Variants in SNTB1 observed in about 807,000 individuals in gnomAD.
SNTB1 encodes beta-1-syntrophin.
A neutral mutation model predicts 48.9 loss-of-function variants in SNTB1; 36 were observed. The observed-to-expected ratio is 0.74, with a 90% CI of 0.56 to 0.97. SNTB1 has a LOEUF of 0.97. SNTB1 is among the 50% of genes least tolerant of loss of function. The probability of loss-of-function intolerance (pLI) is 0.00; values close to 1 mark genes in which losing one functional copy is unlikely to be tolerated. For missense variants in SNTB1, 786 were observed against 703.4 expected, an observed-to-expected ratio of 1.12 and a Z score of -1.33; for synonymous variants, 299 against 294.6, an observed-to-expected ratio of 1.01 and a Z score of -0.15.
At chr8:120,690,127 T>C (rs779980832) in intron 2 of SNTB1, among the ~76,000 whole-genome samples, 2 of 152,242 alleles carry the variant, frequency 1.3e-5, no homozygotes, top group Non-Finnish European at 2.9e-5. Flanking sequence ...TTCATATAAC[T>C]TTTATTACAG....
intron 1 of SNTB1, among the ~76,000 whole-genome samples, chr8:120,795,238 G>A (rs557516905): frequency 1.4e-5 from 2 of 148,002 alleles, no homozygotes; most frequent in East Asian, 3.9e-4. Flanking sequence ...TTTAGCAAGT[G>A]GAGAAGTTAA....
intron 3 of SNTB1, among the ~76,000 whole-genome samples, chr8:120,632,115 C>A (rs1816991564): frequency 6.6e-6 from 1 of 152,210 alleles, no homozygotes; most frequent in South Asian, 2.1e-4. Context: ...AAAGCAAGAG[C>A]TCTGTTCTGA....
chr8:120,633,016 A>C lies in SNTB1; in HGVS notation c.789-365T>G, dbSNP rs138336370. 2.2e-3 allele frequency among the ~76,000 whole-genome samples: 335 copies of C among 152,374 alleles called. 3 individuals are homozygous for C. The highest frequency in any genetic ancestry group is 7.5e-3 in the African/African-American group (313 of 41,586). ...TACTTCTTAATTCACAGAGGATTTT[A>C]ATAATATACTCACACATCCTTGCTG... On this transcript the variant is annotated intron_variant, in intron 2 of 6. Transcript: ENST00000517992.
At position 120,759,975 on chromosome 8, in the gene SNTB1, G is replaced by A. The variant is rs557438967; in HGVS notation, c.571+51298C>T. Among the ~76,000 whole-genome samples, 7 of 152,110 alleles carry A rather than the reference G, an allele frequency of 4.6e-5. No homozygotes were observed. The East Asian group carries it at 1.4e-3, about 29-fold the overall frequency. ...CTAAAAAGCAGCCATTTCTGTAAAG[G>A]GCCAGATGATAAATAACTTAAGTTT... is the stretch of plus-strand genomic sequence containing the variant. On this transcript the variant is annotated intron_variant, in intron 1 of 6. Coordinates refer to ENST00000517992, the MANE Select transcript of SNTB1 (RefSeq NM_021021.4).
chr8:120,643,790 A>C (rs1817235810), intron 2 of SNTB1, among the ~76,000 whole-genome samples: 1 of 152,140 alleles, frequency 6.6e-6, no homozygotes, highest in Non-Finnish European at 1.5e-5. Context: ...CAGTCATGGG[A>C]TTGCTGGATC....
rs1818136483 is a variant in SNTB1 at position 120,691,997 on chromosome 8, G to A, written c.788+1695C>T. Among the ~76,000 whole-genome samples, 3 of 152,186 alleles carry A rather than the reference G, an allele frequency of 2.0e-5. No individual in the cohort carries two copies. The South Asian group carries it at 6.2e-4, about 32-fold the overall frequency. ...GGCCCAGGAACTCTGCAGAAATTGT[G>A]GGGAACAAAACAGAGAACAGGGTGA... On this transcript the variant is annotated intron_variant, in intron 2 of 6. Transcript: ENST00000517992.
At chr8:120,595,930 C>G (rs1238543927) in intron 3 of SNTB1, among the ~76,000 whole-genome samples, 1 of 152,108 alleles carries the variant, frequency 6.6e-6, no homozygotes, top group Non-Finnish European at 1.5e-5. Context: ...GCATGAGATC[C>G]AAGAATCCTC....
intron 1 of SNTB1, among the ~76,000 whole-genome samples, chr8:120,767,284 T>C (rs1279186673): frequency 6.6e-6 from 1 of 152,200 alleles, no homozygotes; most frequent in African/African-American, 2.4e-5. Context: ...CATCTGATTT[T>C]AAAGTTCAAG....
intron 2 of SNTB1, among the ~76,000 whole-genome samples, chr8:120,656,730 A>C (rs894258836): frequency 6.6e-6 from 1 of 152,220 alleles, no homozygotes; most frequent in Non-Finnish European, 1.5e-5. Flanking sequence ...ATTATTTTAA[A>C]CTAGGGTTGC....
intron 1 of SNTB1, among the ~76,000 whole-genome samples, chr8:120,712,617 A>C (rs1259098201): frequency 6.6e-6 from 1 of 152,152 alleles, no homozygotes; most frequent in African/African-American, 2.4e-5. Flanking sequence ...AGTGCAGACG[A>C]AAATGTCACA....
chr8:120,630,164 A>T (rs542746509), intron 3 of SNTB1, among the ~76,000 whole-genome samples: 42 of 152,204 alleles, frequency 2.8e-4, no homozygotes, highest in African/African-American at 9.9e-4. Flanking sequence ...TACCTTTCCC[A>T]TCCTTCTCTG....
chr8:120,718,345 C>T lies in SNTB1; in HGVS notation c.572-24437G>A, dbSNP rs1000557021. Among the ~76,000 whole-genome samples the T allele has an allele frequency of 2.6e-5, 4 of 152,196 alleles. No individual in the cohort carries two copies. In the East Asian group the frequency reaches 7.7e-4, roughly 29 times the overall value. On this transcript the variant is annotated intron_variant, in intron 1 of 6. Transcript: ENST00000517992. ...GCAAGGATAGAGCTTGCGAGCTGAGCTGTCCACACATGTGAGCAGGATTCA... is the reference window on the plus strand; with the variant it reads ...GCAAGGATAGAGCTTGCGAGCTGAGTTGTCCACACATGTGAGCAGGATTCA...
At chr8:120,604,020 G>T (rs1427519233) in intron 3 of SNTB1, among the ~76,000 whole-genome samples, 1 of 152,110 alleles carries the variant, frequency 6.6e-6, no homozygotes, top group Admixed American at 6.5e-5. Flanking sequence ...CCATACCCAG[G>T]TGTCTGCGAG....
intron 4 of SNTB1, among the ~76,000 whole-genome samples, chr8:120,574,855 A>G (rs554571842): frequency 6.6e-6 from 1 of 152,284 alleles, no homozygotes; most frequent in East Asian, 1.9e-4. Context: ...CGCAGATGTC[A>G]CTGTTTCTTG....
chr8:120,587,082 G>T (rs144823503), intron 3 of SNTB1, among the ~76,000 whole-genome samples: 3 of 152,138 alleles, frequency 2.0e-5, no homozygotes, highest in South Asian at 2.1e-4. Flanking sequence ...TTAGCCGGGC[G>T]TGGTAGCGCG....
intron 2 of SNTB1, among the ~76,000 whole-genome samples, chr8:120,643,200 AAAAAAGG>A (rs1382931182): frequency 6.6e-6 from 1 of 152,234 alleles, no homozygotes; most frequent in Non-Finnish European, 1.5e-5. Context: ...CCTCCAAAGA[AAAAAAGG>A]AACTGCTATG....
At chr8:120,783,130 A>G (rs1819857475) in intron 1 of SNTB1, among the ~76,000 whole-genome samples, 2 of 152,222 alleles carry the variant, frequency 1.3e-5, no homozygotes, top group South Asian at 2.1e-4. Context: ...TCTGCTAGCA[A>G]TCTAACAGAA....
At position 120,581,124 on chromosome 8, in the gene SNTB1, T is replaced by C. The variant is rs376731734; in HGVS notation, c.997-5899A>G. On this transcript the variant is annotated intron_variant, in intron 3 of 6. Transcript: ENST00000517992. Reference sequence around the variant, plus strand: ...AAAAAAAAAGAGAAAGAAAAAGACATCTAGGACATCTAGAGCTGAATGCAA... The same window carrying C: ...AAAAAAAAAGAGAAAGAAAAAGACACCTAGGACATCTAGAGCTGAATGCAA... 1.1e-3 allele frequency among the ~76,000 whole-genome samples: 152 copies of C among 143,140 alleles called. 1 individual carries two copies. In the Middle Eastern group the frequency reaches 0.016, roughly 15 times the overall value. The allele number at this position is 143,140 out of a possible 152,430, so 93.9% of individuals were successfully genotyped here.
chr8:120,810,186 G>A (rs751445062), intron 1 of SNTB1, among the ~76,000 whole-genome samples: 4 of 152,110 alleles, frequency 2.6e-5, no homozygotes, highest in African/African-American at 7.2e-5. Flanking sequence ...TCCAGATACC[G>A]CAATCTACAG....
Sources: gnomAD v4.1 joint callset for allele counts (sites outside exome capture counted in the v4.1 genomes callset) on GRCh38, gnomAD v4.1.1 for gene constraint, MANE v1.5 for transcripts, NCBI Gene and HGNC (gene_info 2026-07-23, HGNC 2026-07-21) for gene names.